FOXP2: variants seen among roughly 807,000 people sequenced by gnomAD.
The protein encoded by FOXP2 is forkhead box P2.
A neutral mutation model predicts 115.8 loss-of-function variants in FOXP2; 12 were observed. The observed-to-expected ratio is 0.10, with a 90% CI of 0.07 to 0.17. FOXP2 has a LOEUF of 0.17. Among genes scored for constraint, FOXP2 ranks in the 10% least tolerant of loss-of-function variants. The pLI is 1.00. For synonymous variants in FOXP2, 328 were observed against 297.7 expected (o/e 1.10, Z -1.05); for missense variants, 629 against 843.5 (o/e 0.75, Z 3.15).
chr7:114,623,016 C>G (rs1281067421), intron 3 of FOXP2, among the ~76,000 whole-genome samples: 1 of 151,738 alleles, frequency 6.6e-6, no homozygotes, highest in East Asian at 1.9e-4. Context: ...GCACCTGTCT[C>G]CCAAATGAGC....
At chr7:114,199,599 A>T (rs951848273) in intron 1 of FOXP2, among the ~76,000 whole-genome samples, 1 of 152,206 alleles carries the variant, frequency 6.6e-6, no homozygotes, top group Non-Finnish European at 1.5e-5. Context: ...GGCCCTACTC[A>T]TATGGTTATC....
chr7:114,618,758 T>C (rs951812187), intron 3 of FOXP2, among the ~76,000 whole-genome samples: 1 of 152,164 alleles, frequency 6.6e-6, no homozygotes, highest in African/African-American at 2.4e-5. Context: ...CTTTTTAATG[T>C]TTTTAGATAT....
intron 2 of FOXP2, among the ~76,000 whole-genome samples, chr7:114,529,201 G>GA (rs914371514): frequency 6.6e-5 from 10 of 151,688 alleles, no homozygotes; most frequent in Non-Finnish European, 1.0e-4. Flanking sequence ...TTCTACAGCT[G>GA]AAAAAAACAA....
intron 2 of FOXP2, among the ~76,000 whole-genome samples, chr7:114,455,217 C>T (rs998784098): frequency 1.3e-5 from 2 of 152,116 alleles, no homozygotes; most frequent in African/African-American, 4.8e-5. Flanking sequence ...TAAAACTTTT[C>T]CTAACCCAAA....
At chr7:114,567,778 C>A (rs1363796949) in intron 3 of FOXP2, among the ~76,000 whole-genome samples, 1 of 152,002 alleles carries the variant, frequency 6.6e-6, no homozygotes, top group African/African-American at 2.4e-5. Flanking sequence ...CATGGTTGAT[C>A]AGAGTTTTAT....
At chr7:114,366,560 G>T (rs1267165290) in intron 2 of FOXP2, 1 of 152,028 alleles carries the variant, frequency 6.6e-6, no homozygotes. Context: ...AACTCATCTG[G>T]CTTTAAATAA....
chr7:114,213,655 A>T (rs1375000446), intron 1 of FOXP2, among the ~76,000 whole-genome samples: 3 of 152,322 alleles, frequency 2.0e-5, no homozygotes, highest in Non-Finnish European at 4.4e-5. Context: ...TTCTGAGTTT[A>T]TCCTCAGTTG....
chr7:114,211,659 T>C (rs1207436824), intron 1 of FOXP2, among the ~76,000 whole-genome samples: 1 of 152,222 alleles, frequency 6.6e-6, no homozygotes, highest in Non-Finnish European at 1.5e-5. Context: ...TAATCAGTGT[T>C]AGAAAAATTA....
intron 15 of FOXP2, 46 bp from the exon 16 acceptor site, chr7:114,664,227 T>C (rs1370001381): frequency 1.9e-6 from 3 of 1,601,396 alleles, no homozygotes; most frequent in African/African-American, 2.7e-5. Flanking sequence ...AAAATTATTT[T>C]AAATGCCATT....
intron 3 of FOXP2, among the ~76,000 whole-genome samples, chr7:114,626,246 A>C (rs915163040): frequency 3.3e-5 from 5 of 151,798 alleles, no homozygotes; most frequent in Admixed American, 6.6e-5. Flanking sequence ...AAACTTGCTT[A>C]AATTTGCTCA....
intron 1 of FOXP2, among the ~76,000 whole-genome samples, chr7:114,136,012 T>C (rs1404838664): frequency 6.6e-6 from 1 of 152,114 alleles, no homozygotes; most frequent in Non-Finnish European, 1.5e-5. Flanking sequence ...TCTTCTTCAG[T>C]ATAAAGCCCA....
intron 3 of FOXP2, among the ~76,000 whole-genome samples, chr7:114,605,178 T>C (rs533438561): frequency 9.7e-4 from 148 of 152,138 alleles, no homozygotes; most frequent in Non-Finnish European, 1.9e-3. Context: ...AAACTCACAT[T>C]TACATGTTTT....
chr7:114,098,141 T>C (rs1032710126), intron 1 of FOXP2, among the ~76,000 whole-genome samples: 1 of 152,146 alleles, frequency 6.6e-6, no homozygotes, highest in African/African-American at 2.4e-5. Context: ...AATGCTAAGC[T>C]GAAATGTAAC....
intron 1 of FOXP2, among the ~76,000 whole-genome samples, chr7:114,272,069 AATAC>A (rs978799774): frequency 6.3e-5 from 9 of 143,156 alleles, no homozygotes; most frequent in Middle Eastern, 3.7e-3. Flanking sequence ...AAAATATATA[AATAC>A]ATATATAATA....
intron 2 of FOXP2, among the ~76,000 whole-genome samples, chr7:114,339,740 T>G (rs570189808): frequency 6.6e-6 from 1 of 151,356 alleles, no homozygotes; most frequent in Non-Finnish European, 1.5e-5. Context: ...GTGACTGTAT[T>G]TACAAATCCC....
chr7:114,251,520 G>T (rs537740562), intron 1 of FOXP2, among the ~76,000 whole-genome samples: 1 of 152,142 alleles, frequency 6.6e-6, no homozygotes, highest in South Asian at 2.1e-4. Context: ...CACATCCCTT[G>T]TAAGTTGGAT....
At chr7:114,509,116 G>A (rs1797955275) in intron 2 of FOXP2, among the ~76,000 whole-genome samples, 2 of 152,040 alleles carry the variant, frequency 1.3e-5, no homozygotes, top group South Asian at 4.2e-4. Context: ...AGTGTGTCTG[G>A]AGCAGAGTGA....
chr7:114,661,981 G>A, intron 13 of FOXP2, 84 bp from the exon 14 acceptor site: 2 of 1,534,502 alleles, frequency 1.3e-6, no homozygotes, highest in Middle Eastern at 1.7e-4. Flanking sequence ...CTCTGATTAA[G>A]TAAGATCAAT....
chr7:114,188,271 A>G (rs1793664586), intron 1 of FOXP2, among the ~76,000 whole-genome samples: 1 of 152,212 alleles, frequency 6.6e-6, no homozygotes, highest in African/African-American at 2.4e-5. Flanking sequence ...AAGGCCCTCT[A>G]TAATCTGGCT....
Sources: allele counts gnomAD v4.1 joint callset (sites outside exome capture counted in the v4.1 genomes callset), GRCh38; gene constraint gnomAD v4.1.1; transcripts MANE v1.5; gene names NCBI Gene and HGNC (gene_info 2026-07-23, HGNC 2026-07-21).